C10orf90: variants seen among roughly 807,000 people sequenced by gnomAD.
C10orf90 encodes (E2-independent) E3 ubiquitin-conjugating enzyme FATS.
In C10orf90, 56 loss-of-function variants were observed where a neutral mutation model predicts 62.5. The ratio of observed to expected loss-of-function variants is 0.90; its 90% CI spans 0.72 to 1.12. The LOEUF (loss-of-function observed/expected upper bound fraction) is 1.12. Ranked by LOEUF, C10orf90 falls within the 50% of genes most tolerant of loss-of-function variation. C10orf90 has a pLI of 0.00. For synonymous variants in C10orf90, 386 were observed against 340.4 expected (o/e 1.13, Z -1.47); for missense variants, 970 against 880.4 (o/e 1.10, Z -1.29).
At chr10:126,433,246 G>A (rs1857696642) in intron 7 of C10orf90, among the ~76,000 whole-genome samples, 2 of 152,104 alleles carry the variant, frequency 1.3e-5, no homozygotes, top group South Asian at 2.1e-4. Context: ...ATAGGGACAT[G>A]AAGATAAATA....
intron 2 of C10orf90, among the ~76,000 whole-genome samples, chr10:126,615,536 CAAT>C (rs1274879942): frequency 1.3e-5 from 2 of 152,208 alleles, no homozygotes; most frequent in Non-Finnish European, 1.5e-5. Flanking sequence ...AATCTTAACA[CAAT>C]GATCACATTC....
At chr10:126,656,707 C>T (rs1036617642) in intron 1 of C10orf90, among the ~76,000 whole-genome samples, 2 of 152,152 alleles carry the variant, frequency 1.3e-5, no homozygotes, top group African/African-American at 2.4e-5. Context: ...GCGTTGAGTG[C>T]AAAGGGCACA....
chr10:126,524,580 C>A (rs933619190), intron 2 of C10orf90: 1 of 967,964 alleles, frequency 1.0e-6, no homozygotes, highest in African/African-American at 1.8e-5. Context: ...AAAGTTTGTC[C>A]CCATTTTGGG....
At chr10:126,564,023 G>T (rs1336972157) in intron 2 of C10orf90, among the ~76,000 whole-genome samples, 1 of 152,098 alleles carries the variant, frequency 6.6e-6, no homozygotes, top group East Asian at 1.9e-4. Context: ...CCACCCACTG[G>T]ATGCCCGTAG....
intron 4 of C10orf90, among the ~76,000 whole-genome samples, chr10:126,492,685 T>G (rs1861830779): frequency 6.6e-6 from 1 of 152,206 alleles, no homozygotes; most frequent in Non-Finnish European, 1.5e-5. Flanking sequence ...ATTCAATATC[T>G]TTCTGAAAAG....
chr10:126,507,500 CAA>C (rs775464275), intron 3 of C10orf90, among the ~76,000 whole-genome samples: 13 of 114,114 alleles, frequency 1.1e-4, no homozygotes, highest in South Asian at 2.8e-4. Context: ...TACTTTTTTC[CAA>C]AAAAAAAAAA....
chr10:126,449,110 CT>C (rs757216098), intron 7 of C10orf90, among the ~76,000 whole-genome samples: 1 of 152,158 alleles, frequency 6.6e-6, no homozygotes, highest in Non-Finnish European at 1.5e-5. Flanking sequence ...ACCAATACCC[CT>C]GATGAACATA....
intron 7 of C10orf90, among the ~76,000 whole-genome samples, chr10:126,448,864 T>A (rs1858972463): frequency 6.6e-6 from 1 of 152,122 alleles, no homozygotes; most frequent in South Asian, 2.1e-4. Context: ...AGAGTCACAG[T>A]GAGTAAGGAA....
At chr10:126,516,944 T>C (rs1221257196) in intron 2 of C10orf90, among the ~76,000 whole-genome samples, 2 of 152,120 alleles carry the variant, frequency 1.3e-5, no homozygotes, top group East Asian at 3.9e-4. Context: ...TGACCCTTCT[T>C]CCTCCCTCTT....
chr10:126,513,979 A>G, intron 2 of C10orf90, 40 bp from the exon 3 acceptor site: 1 of 1,402,502 alleles, frequency 7.1e-7, no homozygotes, highest in Non-Finnish European at 1.0e-6. Context: ...TTTAGTATAT[A>G]AAAGGATAAA....
At chr10:126,655,256 G>A (rs1846370405) in intron 1 of C10orf90, among the ~76,000 whole-genome samples, 1 of 152,048 alleles carries the variant, frequency 6.6e-6, no homozygotes, top group African/African-American at 2.4e-5. Flanking sequence ...AGGCGGAGGT[G>A]GCAGTGGGCC....
In C10orf90 at chr10:126,459,237, T is replaced by A. The variant is rs773858775; in HGVS notation, c.2011-20A>T. Reference sequence around the variant, plus strand: ...TGCTTCCTATGCAAAGCAAAGAAAATACGTCATTTTTAAGAGCAGTGACAC... The same window carrying A: ...TGCTTCCTATGCAAAGCAAAGAAAAAACGTCATTTTTAAGAGCAGTGACAC... On this transcript the variant is annotated intron_variant, in intron 6 of 9. Transcript: ENST00000488181. 5.6e-6 allele frequency: 9 copies of A among 1,611,872 alleles called. No homozygotes were observed. The highest frequency in any genetic ancestry group is 7.6e-6 in the Non-Finnish European group (9 of 1,179,962).
intron 2 of C10orf90, among the ~76,000 whole-genome samples, chr10:126,586,024 T>C (rs748398318): frequency 7.2e-5 from 11 of 152,356 alleles, no homozygotes; most frequent in Non-Finnish European, 1.5e-4. Flanking sequence ...AACTCTACTA[T>C]AAAAACCAAG....
At chr10:126,585,355 GA>G (rs1286064686) in intron 2 of C10orf90, among the ~76,000 whole-genome samples, 1 of 146,256 alleles carries the variant, frequency 6.8e-6, no homozygotes, top group Non-Finnish European at 1.5e-5. Context: ...GGCAGGGAGC[GA>G]GGGGGGGAAG....
chr10:126,564,891 A>T lies in C10orf90; in HGVS notation c.314-50952T>A, dbSNP rs1399737381. 2.0e-4 allele frequency among the ~76,000 whole-genome samples: 3 copies of T among 15,342 alleles called. 1 individual carries two copies. Among genetic ancestry groups the T allele is most frequent in the African/African-American group, 2.8e-4 (1 of 3,532 alleles). The allele number at this position is 15,342 out of a possible 152,430, so 10.1% of individuals were successfully genotyped here. On this transcript the variant is annotated intron_variant, in intron 2 of 9. Coordinates refer to ENST00000488181, the MANE Select transcript of C10orf90 (RefSeq NM_001350921.2). The stretch of plus-strand genomic sequence containing the variant: ...TTATATATAATATATAAAATATATT[A>T]TATATAATATATAAAATATATATTA...
intron 2 of C10orf90, among the ~76,000 whole-genome samples, chr10:126,620,245 T>C (rs966523439): frequency 3.3e-5 from 5 of 152,212 alleles, no homozygotes; most frequent in Non-Finnish European, 7.3e-5. Context: ...TTTTAGCTTT[T>C]ACATTTAAGT....
intron 2 of C10orf90, among the ~76,000 whole-genome samples, chr10:126,568,979 T>C (rs919508343): frequency 3.3e-5 from 5 of 151,894 alleles, no homozygotes; most frequent in Non-Finnish European, 5.9e-5. Flanking sequence ...GAGAGGAAGA[T>C]GGGCACCAGA....
intron 3 of C10orf90, among the ~76,000 whole-genome samples, chr10:126,509,303 C>T (rs1303819157): frequency 6.6e-6 from 1 of 152,142 alleles, no homozygotes; most frequent in Admixed American, 6.5e-5. Flanking sequence ...TAGATTTGCC[C>T]TCTCAAAATA....
chr10:126,590,535 A>C (rs1564884452), intron 2 of C10orf90, among the ~76,000 whole-genome samples: 1 of 152,180 alleles, frequency 6.6e-6, no homozygotes, highest in Non-Finnish European at 1.5e-5. Context: ...TAAGAATCTC[A>C]CTCAAAACCA....
Sources: gnomAD v4.1 joint callset for allele counts (sites outside exome capture counted in the v4.1 genomes callset) on GRCh38, gnomAD v4.1.1 for gene constraint, MANE v1.5 for transcripts, NCBI Gene and HGNC (gene_info 2026-07-23, HGNC 2026-07-21) for gene names.